DMD: variants seen among roughly 807,000 people sequenced by gnomAD.
DMD encodes the protein mutant dystrophin.
A neutral mutation model predicts 330.1 loss-of-function variants in DMD; 63 were observed. That is an observed-to-expected ratio of 0.19 (90% CI 0.16 to 0.24). DMD has a LOEUF of 0.24. DMD is among the 10% of genes least tolerant of loss of function. The pLI is 1.00. For synonymous variants in DMD, 1,223 were observed against 959.8 expected (o/e 1.27, Z -5.07); for missense variants, 3,344 against 2,684.1 (o/e 1.25, Z -5.43).
At chrX:32,325,666 C>T (rs1453879780) in intron 41 of DMD, among the ~76,000 whole-genome samples, 2 of 111,692 alleles carry the variant, frequency 1.8e-5, no homozygotes, top group Non-Finnish European at 3.8e-5. Flanking sequence ...GCTGCTGTTG[C>T]CCATGAAGTA....
At chrX:32,236,999 A>G (rs2097190283) in intron 43 of DMD, among the ~76,000 whole-genome samples, 1 of 111,649 alleles carries the variant, frequency 9.0e-6, no homozygotes, top group African/African-American at 3.3e-5. Context: ...TATTGCAAAT[A>G]TACTATCTGA....
intron 55 of DMD, among the ~76,000 whole-genome samples, chrX:31,624,975 C>T (rs1445196626): frequency 1.8e-5 from 2 of 112,249 alleles, no homozygotes; most frequent in Non-Finnish European, 3.8e-5. Flanking sequence ...TGCTCTTCAA[C>T]ACCAGTTTCT....
Position 32,501,821 on chromosome X carries a change from C to T in DMD, c.2314G>A (p.Glu772Lys). ...GCATCTTGCAGTTTTCTGAACTTCT[C>T]AGCTTTTTCTCGCTCTATGGCCTGC... is the stretch of plus-strand genomic sequence containing the variant. ...KVNAIEREKAEKFRKLQDASR... is the reference protein window; with the variant it reads ...KVNAIEREKAKKFRKLQDASR... The change falls in exon 19 of 79, where the codon GAG (glutamate) becomes AAG (lysine). Residue 772 changes from glutamate to lysine, a missense_variant. Coordinates refer to ENST00000357033, the MANE Select transcript of DMD (RefSeq NM_004006.3). 2 of 1,206,965 alleles carry T rather than the reference C, an allele frequency of 1.7e-6. No individual in the cohort carries two copies. Among genetic ancestry groups the T allele is most frequent in the South Asian group, 3.6e-5 (2 of 55,976 alleles).
chrX:32,468,746 T>C lies in DMD; in HGVS notation c.2950-36A>G, dbSNP rs759387557. 1.5e-5 allele frequency: 16 copies of C among 1,076,950 alleles called. No individual in the cohort carries two copies. The Admixed American group carries it at 3.6e-4, about 24-fold the overall frequency. The allele number at this position is 1,076,950 out of a possible 1,213,427, so 88.8% of individuals were successfully genotyped here. A position where few individuals can be genotyped will look rare whatever the true frequency, so the allele number is the denominator to read the frequency against. On this transcript the variant is annotated intron_variant, in intron 22 of 78. Transcript: ENST00000357033. ...ATTTTTTAAATACATTTACCCTAAT[T>C]GATGAATAATAATTGATGAGTTTTA...
chrX:32,665,203 T>G (rs182321922), intron 9 of DMD, among the ~76,000 whole-genome samples: 151 of 111,884 alleles, frequency 1.3e-3, no homozygotes, highest in Middle Eastern at 4.7e-3. Context: ...CAGAATACAT[T>G]TGGCAATTGA....
chrX:32,783,993 C>G (rs1391827191), intron 7 of DMD, among the ~76,000 whole-genome samples: 1 of 54,876 alleles, frequency 1.8e-5, no homozygotes, highest in Non-Finnish European at 2.9e-5. Context: ...ATGGTTGATT[C>G]ATGGAGCGGG....
chrX:31,403,794 T>A (rs2061297037), intron 60 of DMD, among the ~76,000 whole-genome samples: 1 of 111,704 alleles, frequency 9.0e-6, no homozygotes, highest in Non-Finnish European at 1.9e-5. Flanking sequence ...CTAAAATAGC[T>A]TTTCCTTTGA....
In DMD at chrX:32,844,236, T is replaced by C. The variant is rs2080427307; in HGVS notation, c.264+547A>G. Among the ~76,000 whole-genome samples, 4 of 108,982 alleles carry C rather than the reference T, an allele frequency of 3.7e-5. No individual in the cohort carries two copies. In the South Asian group the frequency reaches 1.2e-3, roughly 33 times the overall value. The allele number at this position is 108,982 out of a possible 115,157, so 94.6% of individuals were successfully genotyped here. Reference sequence around the variant, plus strand: ...CCTTGGCCAACATGGTGAAACCCTGTCTCTACTAAAAATACAAAAATTAGC... The same window carrying C: ...CCTTGGCCAACATGGTGAAACCCTGCCTCTACTAAAAATACAAAAATTAGC... On this transcript the variant is annotated intron_variant, in intron 4 of 78. Transcript: ENST00000357033.
At chrX:32,427,921 T>A (rs2098219756) in intron 29 of DMD, among the ~76,000 whole-genome samples, 1 of 111,722 alleles carries the variant, frequency 9.0e-6, no homozygotes, top group Admixed American at 9.5e-5. Context: ...GTATTTTCTG[T>A]ATTTTAAAAA....
intron 44 of DMD, among the ~76,000 whole-genome samples, chrX:32,207,267 C>G (rs762654436): frequency 1.8e-5 from 2 of 110,742 alleles, no homozygotes; most frequent in African/African-American, 6.6e-5. Flanking sequence ...TCCACCCTCA[C>G]GAGTGGGTTT....
intron 7 of DMD, among the ~76,000 whole-genome samples, chrX:32,732,959 C>A (rs760537799): frequency 9.0e-6 from 1 of 111,363 alleles, no homozygotes; most frequent in Admixed American, 9.5e-5. Flanking sequence ...CTAAAAGACA[C>A]AGACTGGCAA....
At chrX:33,067,053 T>C (rs1369275143) in intron 1 of DMD, among the ~76,000 whole-genome samples, 1 of 111,989 alleles carries the variant, frequency 8.9e-6, no homozygotes, top group African/African-American at 3.2e-5. Flanking sequence ...ATCACTTCAG[T>C]AGAGAGAGAA....
chrX:32,468,813 T>C, intron 22 of DMD, 103 bp from the exon 23 acceptor site: 1 of 657,322 alleles, frequency 1.5e-6, no homozygotes, highest in Non-Finnish European at 2.4e-6. Context: ...TTCAAACATG[T>C]AAACAAAGTA....
At chrX:32,649,123 T>C (rs1327560502) in intron 9 of DMD, among the ~76,000 whole-genome samples, 2 of 110,611 alleles carry the variant, frequency 1.8e-5, no homozygotes, top group Admixed American at 9.7e-5. Flanking sequence ...TTTTTGTTTT[T>C]TTTTTTTCCC....
intron 67 of DMD, among the ~76,000 whole-genome samples, chrX:31,187,728 A>T (rs2041922936): frequency 8.4e-5 from 1 of 11,851 alleles, no homozygotes; most frequent in African/African-American, 3.0e-4. Context: ...AGAGAGAGAG[A>T]GAGAGAGAGA....
chrX:31,541,289 T>A (rs749622732), intron 55 of DMD, among the ~76,000 whole-genome samples: 1 of 112,168 alleles, frequency 8.9e-6, no homozygotes, highest in Admixed American at 9.5e-5. Flanking sequence ...AATGTGAATC[T>A]TCTTTTTTCA....
chrX:31,449,779 T>A, intron 59 of DMD, among the ~76,000 whole-genome samples: 1 of 90,419 alleles, frequency 1.1e-5, no homozygotes, highest in African/African-American at 4.2e-5. Flanking sequence ...TATATATATA[T>A]ATATATATAT....
intron 2 of DMD, among the ~76,000 whole-genome samples, chrX:33,009,676 ATATGTGTATATG>A (rs2093591630): frequency 2.4e-5 from 1 of 41,926 alleles, no homozygotes; most frequent in African/African-American, 8.6e-5. Flanking sequence ...GTGTATACGT[ATATGTGTATATG>A]CACATATGTG....
At chrX:33,228,307 G>GTGTGTGTGTA (rs1476191677) in intron 1 of DMD, among the ~76,000 whole-genome samples, 1 of 108,854 alleles carries the variant, frequency 9.2e-6, no homozygotes, top group Non-Finnish European at 1.9e-5. Context: ...GTGTGTGTGT[G>GTGTGTGTGTA]TGTGTAGGCA....
Sources: gnomAD v4.1 joint callset for allele counts (sites outside exome capture counted in the v4.1 genomes callset) on GRCh38, gnomAD v4.1.1 for gene constraint, MANE v1.5 for transcripts, NCBI Gene and HGNC (gene_info 2026-07-23, HGNC 2026-07-21) for gene names.